The following VAT1L variants were observed in gnomAD, a reference collection of about 807,000 sequenced individuals.
The protein encoded by VAT1L is vesicle amine transport 1 like, also known as putative NADPH-dependent quinone oxidoreductase VAT1L.
VAT1L carries 34 observed loss-of-function variants against 44.1 expected under a neutral mutation model. The observed-to-expected ratio is 0.77, with a 90% CI of 0.59 to 1.03. The LOEUF (loss-of-function observed/expected upper bound fraction) is 1.03. Among genes scored for constraint, VAT1L ranks in the 50% least tolerant of loss-of-function variants. The pLI is 0.00. For missense variants in VAT1L, 615 were observed against 538.8 expected, an observed-to-expected ratio of 1.14 and a Z score of -1.40; for synonymous variants, 253 against 202.2, an observed-to-expected ratio of 1.25 and a Z score of -2.13.
intron 7 of VAT1L, among the ~76,000 whole-genome samples, chr16:77,929,198 C>T (rs1051753087): frequency 9.2e-5 from 14 of 152,208 alleles, no homozygotes; most frequent in Admixed American, 1.3e-4. Context: ...TGATGGAACG[C>T]GACATTTTTC....
At chr16:77,835,169 T>C (rs571118923) in intron 3 of VAT1L, among the ~76,000 whole-genome samples, 108 of 152,318 alleles carry the variant, frequency 7.1e-4, no homozygotes, top group African/African-American at 2.4e-3. Context: ...CAAAAAGCTG[T>C]CACAAGCCAA....
intron 7 of VAT1L, among the ~76,000 whole-genome samples, chr16:77,885,121 C>T (rs2017196803): frequency 6.6e-6 from 1 of 152,178 alleles, no homozygotes; most frequent in African/African-American, 2.4e-5. Context: ...AGGCATCATA[C>T]ATATTGTCAC....
intron 1 of VAT1L, among the ~76,000 whole-genome samples, chr16:77,814,337 G>A (rs960891239): frequency 3.3e-5 from 5 of 152,114 alleles, no homozygotes; most frequent in Non-Finnish European, 5.9e-5. Flanking sequence ...ATACACCTGC[G>A]TCCTAAAAAT....
chr16:77,934,020 G>A (rs1302722480), intron 7 of VAT1L, among the ~76,000 whole-genome samples: 1 of 152,118 alleles, frequency 6.6e-6, no homozygotes, highest in Non-Finnish European at 1.5e-5. Context: ...TATTATTTCT[G>A]TGCAATAGAC....
At chr16:77,791,116 A>C (rs1364688040) in intron 1 of VAT1L, among the ~76,000 whole-genome samples, 2 of 152,180 alleles carry the variant, frequency 1.3e-5, no homozygotes, top group Non-Finnish European at 2.9e-5. Flanking sequence ...TAGGCTTGTA[A>C]ATGGCCCACT....
chr16:77,926,499 G>A (rs144972443), intron 7 of VAT1L, among the ~76,000 whole-genome samples: 5,223 of 152,088 alleles, frequency 0.034, 145 homozygotes, highest in Non-Finnish European at 0.05. Flanking sequence ...CAGGAGAATC[G>A]CTTGAACCTG....
intron 7 of VAT1L, among the ~76,000 whole-genome samples, chr16:77,970,130 G>T (rs2142543403): frequency 6.6e-6 from 1 of 151,274 alleles, no homozygotes; most frequent in Non-Finnish European, 1.5e-5. Context: ...TAGCTACTTG[G>T]TAGGCTGACG....
chr16:77,888,220 C>T (rs1013621385), intron 7 of VAT1L, among the ~76,000 whole-genome samples: 5 of 152,314 alleles, frequency 3.3e-5, no homozygotes, highest in African/African-American at 9.6e-5. Flanking sequence ...TTGATACTCT[C>T]CATTGCATTT....
intron 3 of VAT1L, among the ~76,000 whole-genome samples, chr16:77,854,243 T>A (rs571150416): frequency 1.3e-5 from 2 of 152,276 alleles, no homozygotes; most frequent in East Asian, 3.9e-4. Flanking sequence ...CCCTGTAACC[T>A]CCTGCCATTG....
At chr16:77,854,625 C>T (rs1363810402) in intron 3 of VAT1L, among the ~76,000 whole-genome samples, 1 of 152,186 alleles carries the variant, frequency 6.6e-6, no homozygotes, top group Non-Finnish European at 1.5e-5. Flanking sequence ...TTTTGCTCAT[C>T]TAAGTACCTC....
chr16:77,932,216 G>T (rs1018134320), intron 7 of VAT1L, among the ~76,000 whole-genome samples: 5 of 148,418 alleles, frequency 3.4e-5, no homozygotes, highest in African/African-American at 1.2e-4. Context: ...CCATTCTCCT[G>T]CCTCAGCCTC....
chr16:77,803,232 T>G (rs752975320), intron 1 of VAT1L, among the ~76,000 whole-genome samples: 5 of 152,150 alleles, frequency 3.3e-5, no homozygotes, highest in Non-Finnish European at 7.3e-5. Flanking sequence ...AACTAAAAGT[T>G]CAGTTCCTTA....
intron 1 of VAT1L, among the ~76,000 whole-genome samples, chr16:77,793,395 G>A (rs2015870244): frequency 6.6e-6 from 1 of 152,172 alleles, no homozygotes; most frequent in African/African-American, 2.4e-5. Context: ...TCCTACATAG[G>A]AGAAGCTACA....
At chr16:77,807,316 C>T (rs1312075071) in intron 1 of VAT1L, among the ~76,000 whole-genome samples, 2 of 152,182 alleles carry the variant, frequency 1.3e-5, no homozygotes, top group Non-Finnish European at 2.9e-5. Context: ...GCTGGTTTCT[C>T]CTGAGGAATT....
intron 5 of VAT1L, 47 bp downstream of exon 5, chr16:77,876,520 T>C: frequency 6.5e-7 from 1 of 1,531,150 alleles, no homozygotes; most frequent in Non-Finnish European, 9.1e-7. Context: ...TAGGTACCTC[T>C]ACATATGTGC....
intron 8 of VAT1L, among the ~76,000 whole-genome samples, chr16:77,972,797 T>C (rs911205185): frequency 1.3e-5 from 2 of 149,546 alleles, no homozygotes; most frequent in Admixed American, 6.7e-5. Flanking sequence ...ATAATAATAA[T>C]AATATAAAAT....
chr16:77,969,601 T>G (rs56026514), intron 7 of VAT1L, among the ~76,000 whole-genome samples: 40,601 of 151,870 alleles, frequency 0.27, 6,970 homozygotes, highest in Non-Finnish European at 0.37. Flanking sequence ...AAAGAGGGAC[T>G]GCAAGATGGA....
intron 3 of VAT1L, among the ~76,000 whole-genome samples, chr16:77,841,533 A>G (rs1050911699): frequency 2.0e-5 from 3 of 152,154 alleles, no homozygotes; most frequent in African/African-American, 4.8e-5. Context: ...GGAAGCGTAA[A>G]TTACTACCAC....
At chr16:77,831,480 T>C (rs2016577303) in intron 3 of VAT1L, among the ~76,000 whole-genome samples, 1 of 152,186 alleles carries the variant, frequency 6.6e-6, no homozygotes, top group Non-Finnish European at 1.5e-5. Context: ...CCTGAGATGA[T>C]GAGAATGACA....
Sources: gnomAD v4.1 joint callset for allele counts (sites outside exome capture counted in the v4.1 genomes callset) on GRCh38, gnomAD v4.1.1 for gene constraint, MANE v1.5 for transcripts, NCBI Gene and HGNC (gene_info 2026-07-23, HGNC 2026-07-21) for gene names.